The following SETBP1 variants were observed in gnomAD, a reference collection of about 807,000 sequenced individuals.
SETBP1 encodes SET-binding protein.
Under a neutral mutation model 101.0 loss-of-function variants are expected in SETBP1, and 9 were observed. The ratio of observed to expected loss-of-function variants is 0.09; its 90% CI spans 0.05 to 0.16. The LOEUF is 0.16. SETBP1 is among the 10% of genes least tolerant of loss of function. The pLI is 1.00. For missense variants in SETBP1, 1,858 were observed against 2,033.8 expected (o/e 0.91, Z 1.66); for synonymous variants, 818 against 788.5 (o/e 1.04, Z -0.63).
intron 4 of SETBP1, among the ~76,000 whole-genome samples, chr18:45,021,775 G>A (rs984362039): frequency 1.3e-5 from 2 of 152,150 alleles, no homozygotes; most frequent in African/African-American, 4.8e-5. Flanking sequence ...AACATGAGCT[G>A]TCCTAATGAA....
intron 4 of SETBP1, among the ~76,000 whole-genome samples, chr18:44,967,361 T>C (rs1197867853): frequency 6.6e-6 from 1 of 152,240 alleles, no homozygotes; most frequent in Non-Finnish European, 1.5e-5. Context: ...CAGTAGCACT[T>C]GTTTTGTAGA....
chr18:44,811,617 C>A (rs2071863906), intron 2 of SETBP1, among the ~76,000 whole-genome samples: 1 of 152,332 alleles, frequency 6.6e-6, no homozygotes, highest in East Asian at 1.9e-4. Context: ...AAGATAACAA[C>A]AGAACTAAGG....
intron 2 of SETBP1, among the ~76,000 whole-genome samples, chr18:44,838,142 C>T (rs879386720): frequency 6.6e-6 from 1 of 152,202 alleles, no homozygotes; most frequent in Non-Finnish European, 1.5e-5. Flanking sequence ...TGTCCTTTTG[C>T]TTCCTCAGTC....
At chr18:44,921,299 C>G (rs1453341162) in intron 3 of SETBP1, among the ~76,000 whole-genome samples, 1 of 152,212 alleles carries the variant, frequency 6.6e-6, no homozygotes, top group Non-Finnish European at 1.5e-5. Context: ...TAGTTGAACT[C>G]TCATTCTGAT....
chr18:45,057,588 G>A (rs977190857), intron 5 of SETBP1, among the ~76,000 whole-genome samples: 1 of 152,128 alleles, frequency 6.6e-6, no homozygotes, highest in African/African-American at 2.4e-5. Flanking sequence ...AATTCATACT[G>A]CAACTCTCCG....
intron 4 of SETBP1, among the ~76,000 whole-genome samples, chr18:45,014,311 G>T (rs538350380): frequency 6.6e-6 from 1 of 152,214 alleles, no homozygotes; most frequent in Non-Finnish European, 1.5e-5. Flanking sequence ...GTGGGCCACA[G>T]ACTTCCTCTA....
rs779476443 is a variant in SETBP1 at position 44,951,986 on chromosome 18, G to A, written c.2646G>A (p.Ala882=). ...GTDNNSTSDQ[A]EKSSESRRRY... ...ACAACAACAGCACTTCTGACCAAGC[G>A]GAGAAGAGCTCAGAATCCCGAAGGA... Residue 882 remains alanine (A), a synonymous_variant, in exon 4 of 6, where the codon GCG becomes GCA. Coordinates refer to ENST00000649279, the MANE Select transcript of SETBP1 (RefSeq NM_015559.3). This position sits in a 1 kb window ranked among gnomAD's most constrained non-coding sequence, Gnocchi z 7.8. 3.0e-5 allele frequency: 48 copies of A among 1,614,010 alleles called. No homozygotes were observed. The East Asian group carries it at 6.5e-4, about 22-fold the overall frequency.
At chr18:45,013,081 C>T (rs2072871904) in intron 4 of SETBP1, among the ~76,000 whole-genome samples, 1 of 152,250 alleles carries the variant, frequency 6.6e-6, no homozygotes, top group Admixed American at 6.5e-5. Flanking sequence ...CTTTGTCAAG[C>T]TCACAACCAC....
At chr18:44,729,847 C>T (rs2069796670) in intron 2 of SETBP1, among the ~76,000 whole-genome samples, 1 of 152,192 alleles carries the variant, frequency 6.6e-6, no homozygotes, top group African/African-American at 2.4e-5. Context: ...GGAGAAACCC[C>T]AGGAGGTCCC....
At chr18:44,892,906 G>A (rs1400002182) in intron 3 of SETBP1, among the ~76,000 whole-genome samples, 1 of 151,958 alleles carries the variant, frequency 6.6e-6, no homozygotes, top group Non-Finnish European at 1.5e-5. Context: ...TAGATTTCTG[G>A]CATCTCCATG....
At chr18:44,691,501 A>G (rs2068932550) in intron 1 of SETBP1, among the ~76,000 whole-genome samples, 1 of 152,088 alleles carries the variant, frequency 6.6e-6, no homozygotes, top group South Asian at 2.1e-4. Context: ...TTCACCAGGG[A>G]GCAAAGACAC....
chr18:44,981,159 T>A (rs945977912), intron 4 of SETBP1, among the ~76,000 whole-genome samples: 1 of 152,198 alleles, frequency 6.6e-6, no homozygotes, highest in African/African-American at 2.4e-5. Flanking sequence ...TTCTGCGTGA[T>A]CTTCAAGGCC....
intron 2 of SETBP1, among the ~76,000 whole-genome samples, chr18:44,803,194 A>G (rs557537790): frequency 3.3e-5 from 5 of 152,284 alleles, no homozygotes; most frequent in African/African-American, 4.8e-5. Context: ...CTGTTCTGTT[A>G]TATAGCAGGC....
At chr18:44,721,794 C>T (rs1043865974) in intron 2 of SETBP1, among the ~76,000 whole-genome samples, 1 of 152,162 alleles carries the variant, frequency 6.6e-6, no homozygotes, top group African/African-American at 2.4e-5. Flanking sequence ...TCCTTACCCT[C>T]AGAAGGTGGG....
chr18:44,738,950 C>G (rs1456418301), intron 2 of SETBP1, among the ~76,000 whole-genome samples: 3 of 152,038 alleles, frequency 2.0e-5, no homozygotes, highest in African/African-American at 4.8e-5. Context: ...TCACTGGGCT[C>G]AAATCAAGGT....
At chr18:44,720,634 A>G (rs2069566495) in intron 2 of SETBP1, among the ~76,000 whole-genome samples, 1 of 152,162 alleles carries the variant, frequency 6.6e-6, no homozygotes, top group Non-Finnish European at 1.5e-5. Flanking sequence ...GTTGTACCCG[A>G]TGGTGGAACA....
At chr18:44,870,957 A>G (rs1343521674) in intron 3 of SETBP1, 1 of 152,246 alleles carries the variant, frequency 6.6e-6, no homozygotes, top group African/African-American at 2.4e-5. Flanking sequence ...AGGTTCGTGC[A>G]TAACATTTGA....
chr18:45,033,827 A>T (rs1276675622), intron 4 of SETBP1, among the ~76,000 whole-genome samples: 1 of 152,212 alleles, frequency 6.6e-6, no homozygotes, highest in Non-Finnish European at 1.5e-5. Flanking sequence ...TGGGAATCAG[A>T]GAATCTAGAT....
At chr18:45,004,294 A>G (rs1327770461) in intron 4 of SETBP1, among the ~76,000 whole-genome samples, 1 of 152,226 alleles carries the variant, frequency 6.6e-6, no homozygotes, top group Non-Finnish European at 1.5e-5. Context: ...TACTCCAGGT[A>G]GATGTTGTCC....
Sources: gnomAD v4.1 joint callset for allele counts (sites outside exome capture counted in the v4.1 genomes callset) on GRCh38, gnomAD v4.1.1 for gene constraint, Gnocchi (gnomAD v3.1) non-coding constraint, MANE v1.5 for transcripts, NCBI Gene and HGNC (gene_info 2026-07-23, HGNC 2026-07-21) for gene names.